Variants in ENAH observed in about 807,000 individuals in gnomAD.
ENAH encodes ENAH actin regulator, also known as protein enabled homolog.
In ENAH, 23 loss-of-function variants were observed where a neutral mutation model predicts 78.7. The observed-to-expected ratio is 0.29, with a 90% CI of 0.21 to 0.41. The LOEUF is 0.41. ENAH is among the 10% of genes least tolerant of loss of function. ENAH has a pLI of 1.00. For synonymous variants in ENAH, 226 were observed against 241.0 expected (o/e 0.94, Z 0.58); for missense variants, 544 against 691.0 (o/e 0.79, Z 2.39).
At chr1:225,652,387 G>T (rs1324028744) in intron 1 of ENAH, 1 of 985,288 alleles carries the variant, frequency 1.0e-6, no homozygotes, top group Non-Finnish European at 1.2e-6. Flanking sequence ...GCTTGCAAAG[G>T]CTTGGGGGAG....
rs1179552717 is a variant in ENAH, at chr1:225,574,629, C to T, written c.6-7215G>A. Among the ~76,000 whole-genome samples the T allele has an allele frequency of 1.1e-3, 2 of 1,854 alleles. 1 individual carries two copies. The highest frequency in any genetic ancestry group is 0.053 in the East Asian group (2 of 38). 1.2% of individuals were successfully genotyped at this position (1,854 alleles called of 152,430 possible). On this transcript the variant is annotated intron_variant, in intron 1 of 13. Coordinates refer to ENST00000366843, the MANE Select transcript of ENAH (RefSeq NM_018212.6). ...AAATATATAAAAAAAAGGCCGGGCG[C>T]GGTGGCTCACGCCTGTAATCCCAGC...
At chr1:225,608,802 C>A (rs942359510) in intron 1 of ENAH, among the ~76,000 whole-genome samples, 2 of 106,080 alleles carry the variant, frequency 1.9e-5, no homozygotes, top group Non-Finnish European at 3.3e-5. Flanking sequence ...GGCGACAGAG[C>A]GAGACTCTGT....
intron 1 of ENAH, among the ~76,000 whole-genome samples, chr1:225,618,026 G>C (rs1240034987): frequency 6.6e-6 from 1 of 152,198 alleles, no homozygotes; most frequent in Non-Finnish European, 1.5e-5. Context: ...AGCATTACCA[G>C]CCAGAACTAA....
chr1:225,527,007 T>C (rs2096510574), intron 4 of ENAH, among the ~76,000 whole-genome samples: 1 of 152,186 alleles, frequency 6.6e-6, no homozygotes, highest in Non-Finnish European at 1.5e-5. Context: ...CTCTTGGCCA[T>C]GGCAATTTTC....
At chr1:225,505,171 C>T (rs1486266662) in intron 11 of ENAH, 3 of 637,576 alleles carry the variant, frequency 4.7e-6, no homozygotes, top group Non-Finnish European at 7.6e-6. Flanking sequence ...AGTCTATTAA[C>T]CTTAAAATAA....
At chr1:225,576,678 AT>A (rs2096789888) in intron 1 of ENAH, among the ~76,000 whole-genome samples, 1 of 152,230 alleles carries the variant, frequency 6.6e-6, no homozygotes, top group Non-Finnish European at 1.5e-5. Context: ...AGACTAGAGT[AT>A]TTAAAGAGTG....
intron 4 of ENAH, among the ~76,000 whole-genome samples, chr1:225,527,262 T>C (rs902931862): frequency 2.0e-5 from 3 of 152,246 alleles, no homozygotes; most frequent in African/African-American, 7.2e-5. Context: ...ACAATTTCAC[T>C]CAACTTATGA....
intron 7 of ENAH, among the ~76,000 whole-genome samples, chr1:225,513,547 T>A (rs1426231377): frequency 6.6e-6 from 1 of 152,260 alleles, no homozygotes; most frequent in Non-Finnish European, 1.5e-5. Context: ...ATTTGTAGAT[T>A]ACAGTATTCT....
chr1:225,556,749 T>C (rs138960865), intron 2 of ENAH, among the ~76,000 whole-genome samples: 3 of 152,320 alleles, frequency 2.0e-5, no homozygotes, highest in Admixed American at 2.0e-4. Context: ...TTAACAAATG[T>C]TTCTCAATCA....
chr1:225,592,014 A>G (rs375688989), intron 1 of ENAH, among the ~76,000 whole-genome samples: 3 of 152,184 alleles, frequency 2.0e-5, no homozygotes, highest in Admixed American at 6.5e-5. Context: ...CTAGAGTATA[A>G]TAATAACAGT....
chr1:225,488,157 G>GTTTT lies in ENAH; in HGVS notation c.*9614_*9617dup, dbSNP rs1363035615. ...AGACAGCACAATAGTCAAGGACAAG[G>GTTTT]TTTTTATTTATTTATTTATTTATTA... On this transcript the variant is annotated 3_prime_UTR_variant, in exon 14 of 14. Transcript: ENST00000366843. 6.6e-6 allele frequency: 1 copy of GTTTT among 150,950 alleles called. No individual in the cohort carries two copies. Among genetic ancestry groups the GTTTT allele is most frequent in the Non-Finnish European group, 1.5e-5 (1 of 67,764 alleles). The allele number at this position is 150,950 out of a possible 1,614,324, so 9.4% of individuals were successfully genotyped here.
chr1:225,560,570 C>T (rs896144842), intron 2 of ENAH, among the ~76,000 whole-genome samples: 1 of 152,102 alleles, frequency 6.6e-6, no homozygotes, highest in Non-Finnish European at 1.5e-5. Flanking sequence ...TGGGACACGA[C>T]AGTCTTGAAC....
chr1:225,488,292 A>G lies in ENAH; in HGVS notation c.*9483T>C, dbSNP rs998552476. ...CTCAGCCCCCCGAGTCGCTGTGCCT[A>G]GGAGCACGCACCACCACACCTGGCT... On this transcript the variant is annotated 3_prime_UTR_variant, in exon 14 of 14. Coordinates refer to ENST00000366843, the MANE Select transcript of ENAH (RefSeq NM_018212.6). 2.0e-5 allele frequency: 3 copies of G among 152,136 alleles called. No homozygotes were observed. In the East Asian group the frequency reaches 5.8e-4, roughly 29 times the overall value. The allele number at this position is 152,136 out of a possible 1,614,324, so 9.4% of individuals were successfully genotyped here. A position where few individuals can be genotyped will look rare whatever the true frequency, so the allele number is the denominator to read the frequency against.
At chr1:225,627,137 A>G (rs1422287171) in intron 1 of ENAH, among the ~76,000 whole-genome samples, 2 of 152,196 alleles carry the variant, frequency 1.3e-5, no homozygotes, top group African/African-American at 2.4e-5. Flanking sequence ...TCTTAAATTG[A>G]TATTATTTAT....
chr1:225,514,303 A>G (rs1164276014), intron 7 of ENAH, among the ~76,000 whole-genome samples: 3 of 151,838 alleles, frequency 2.0e-5, no homozygotes, highest in Non-Finnish European at 4.4e-5. Context: ...AGCAGCTGGG[A>G]TTATAGGCAT....
chr1:225,499,246 C>T (rs747736243), intron 12 of ENAH, among the ~76,000 whole-genome samples: 3 of 151,154 alleles, frequency 2.0e-5, no homozygotes, highest in Admixed American at 1.3e-4. Flanking sequence ...CCAGCCTCGG[C>T]GACAAAGCGA....
intron 1 of ENAH, among the ~76,000 whole-genome samples, chr1:225,612,083 G>A (rs1312340884): frequency 6.6e-6 from 1 of 152,050 alleles, no homozygotes; most frequent in Non-Finnish European, 1.5e-5. Context: ...TCCACTCCTA[G>A]ATATATGTCC....
chr1:225,533,317 G>A (rs1004040237), intron 3 of ENAH, among the ~76,000 whole-genome samples: 1 of 152,120 alleles, frequency 6.6e-6, no homozygotes, highest in Non-Finnish European at 1.5e-5. Flanking sequence ...GTCAGCTGCC[G>A]CTGTATGTTC....
intron 1 of ENAH, among the ~76,000 whole-genome samples, chr1:225,650,031 T>C (rs1662680304): frequency 1.3e-5 from 2 of 152,190 alleles, no homozygotes; most frequent in African/African-American, 2.4e-5. Context: ...CATATATTAA[T>C]ATAACCTGAA....
Sources: allele counts gnomAD v4.1 joint callset (sites outside exome capture counted in the v4.1 genomes callset), GRCh38; gene constraint gnomAD v4.1.1; transcripts MANE v1.5; gene names NCBI Gene and HGNC (gene_info 2026-07-23, HGNC 2026-07-21).